Variants in TMEM259 observed in about 807,000 individuals in gnomAD.
TMEM259 encodes transmembrane protein 259.
In TMEM259, 26 loss-of-function variants were observed where a neutral mutation model predicts 46.7. The observed-to-expected ratio is 0.56, with a 90% CI of 0.41 to 0.77. The LOEUF is 0.77. TMEM259 is among the 30% of genes least tolerant of loss of function. TMEM259 has a pLI of 0.00. For synonymous variants in TMEM259, 494 were observed against 395.1 expected (o/e 1.25, Z -2.97); for missense variants, 930 against 900.5 (o/e 1.03, Z -0.42).
chr19:1,010,797 G>T lies in TMEM259; in HGVS notation c.1416C>A (p.Pro472=). The part of the protein sequence containing the change: ...EMLLQAPPLG[P]GTPTALPDDM... ...CATCGGGCAGCGCCGTGGGGGTCCCGGGGCCCAGTGGCGGCGCCTGAAGCA... is the reference window on the plus strand; with the variant it reads ...CATCGGGCAGCGCCGTGGGGGTCCCTGGGCCCAGTGGCGGCGCCTGAAGCA... The change falls in exon 11 of 11, where the codon CCC becomes CCA. Residue 472 remains proline (P), a synonymous_variant. Coordinates refer to ENST00000356663, the MANE Select transcript of TMEM259 (RefSeq NM_001033026.2). 1 of 1,573,238 alleles carries T rather than the reference G, an allele frequency of 6.4e-7. No individual in the cohort carries two copies. The highest frequency in any genetic ancestry group is 1.1e-5 in the South Asian group (1 of 87,620).
chr19:1,010,895 G>A lies in TMEM259; in HGVS notation c.1318C>T (p.His440Tyr), dbSNP rs760299079. 1.9e-6 allele frequency: 3 copies of A among 1,591,850 alleles called. No individual in the cohort carries two copies. Among genetic ancestry groups the A allele is most frequent in the Non-Finnish European group, 2.5e-6 (3 of 1,176,920 alleles). The change falls in exon 11 of 11, where the codon CAT (histidine) becomes TAT (tyrosine). Residue 440 changes from histidine to tyrosine, a missense_variant and splice_region_variant. By Grantham distance (83) the His-to-Tyr change is moderately conservative. Coordinates refer to ENST00000356663, the MANE Select transcript of TMEM259 (RefSeq NM_001033026.2). The part of the protein sequence containing the change: ...ALVTSWLFIQ[H>Y]SMIYFFHHYE... The stretch of plus-strand genomic sequence containing the variant: ...TGGTGGAAGAAGTAGATCATGGAAT[G>A]CTGCGGGAGGGAGAGTGGGAGTCAG...
chr19:1,010,367 A>T lies in TMEM259; in HGVS notation c.1846T>A (p.Ser616Thr). 6.7e-7 allele frequency: 1 copy of T among 1,494,852 alleles called. No individual in the cohort carries two copies. Among genetic ancestry groups the T allele is most frequent in the Non-Finnish European group, 8.8e-7 (1 of 1,130,024 alleles). 92.6% of individuals were successfully genotyped at this position (1,494,852 alleles called of 1,614,324 possible). A position where few individuals can be genotyped will look rare whatever the true frequency, so the allele number is the denominator to read the frequency against. Reference protein sequence around the residue: ...PASMAPTEAPSEVGS With the variant: ...PASMAPTEAPTEVGS The stretch of plus-strand genomic sequence containing the variant: ...TGTGCGGCTCAGGACCCCACCTCCG[A>T]GGGCGCCTCCGTTGGGGCCATGGAG... Residue 616 changes from serine to threonine, a missense_variant, in exon 11 of 11, where the codon TCG becomes ACG. Transcript: ENST00000356663.
At chr19:1,013,959 C>T (rs2039022688) in intron 2 of TMEM259, among the ~76,000 whole-genome samples, 1 of 152,222 alleles carries the variant, frequency 6.6e-6, no homozygotes, top group South Asian at 2.1e-4. Context: ...CCAAGTCCTC[C>T]CCGAGATCCC....
chr19:1,018,161 C>T (rs1010832010), intron 1 of TMEM259, among the ~76,000 whole-genome samples: 3 of 152,190 alleles, frequency 2.0e-5, no homozygotes, highest in African/African-American at 7.2e-5. Flanking sequence ...CACCCAGTGC[C>T]CCAAGATGGA....
Position 1,010,810 on chromosome 19 carries a change from G to A in TMEM259, c.1403C>T (p.Pro468Leu), listed in dbSNP as rs201119201. 9.5e-6 allele frequency: 15 copies of A among 1,581,352 alleles called. No individual in the cohort carries two copies. Among genetic ancestry groups the A allele is most frequent in the East Asian group, 9.1e-5 (4 of 43,766 alleles). Residue 468 changes from proline to leucine, a missense_variant, in exon 11 of 11, where the codon CCG (proline) becomes CTG (leucine). Coordinates refer to ENST00000356663, the MANE Select transcript of TMEM259 (RefSeq NM_001033026.2). ...VRIQEMLLQA[P>L]PLGPGTPTAL... ...CGTGGGGGTCCCGGGGCCCAGTGGC[G>A]GCGCCTGAAGCAGCATCTCCTGGAT...
intron 9 of TMEM259, 56 bp from the exon 10 acceptor site, chr19:1,011,251 C>T: frequency 3.9e-6 from 6 of 1,546,032 alleles, no homozygotes; most frequent in Non-Finnish European, 5.2e-6. Context: ...CAGGCCCAGC[C>T]CCTGGGGTTC....
chr19:1,018,863 C>T lies in TMEM259; in HGVS notation c.225+1909G>A, dbSNP rs535217108. On this transcript the variant is annotated intron_variant, in intron 1 of 10. Coordinates refer to ENST00000356663, the MANE Select transcript of TMEM259 (RefSeq NM_001033026.2). ...ATTAGCCGGTTGTGATGGTGGGCAC[C>T]GGTAATCCTAGCTACTCCGCAGGCT... Among the ~76,000 whole-genome samples the T allele has an allele frequency of 3.4e-4, 52 of 152,110 alleles. No homozygotes were observed. In the South Asian group the frequency reaches 4.4e-3, roughly 13 times the overall value.
chr19:1,011,823 T>C lies in TMEM259; in HGVS notation c.943-25A>G, dbSNP rs765714375. On this transcript the variant is annotated intron_variant, in intron 6 of 10. Coordinates refer to ENST00000356663, the MANE Select transcript of TMEM259 (RefSeq NM_001033026.2). ...TCTGCAAGGGGCGCGCAGGAAGCGC[T>C]ATGAGGGGCTGCGAGGGCCTGCTTG... The C allele has an allele frequency of 4.6e-5, 73 of 1,589,484 alleles. No homozygotes were observed. The South Asian group carries it at 5.2e-4, about 11-fold the overall frequency.
rs553445332 is a variant in TMEM259, at chr19:1,010,776, G to A, written c.1437C>T (p.Pro479=). 3 of 1,555,314 alleles carry A rather than the reference G, an allele frequency of 1.9e-6. No homozygotes were observed. Among genetic ancestry groups the A allele is most frequent in the Non-Finnish European group, 1.7e-6 (2 of 1,159,168 alleles). ...PLGPGTPTAL[P]DDMNNNSGAP... is the part of the protein sequence containing the mutation. ...CGCCCGAGTTGTTGTTCATGTCATC[G>A]GGCAGCGCCGTGGGGGTCCCGGGGC... The change falls in exon 11 of 11, where the codon CCC becomes CCT. Residue 479 remains proline, a synonymous_variant. Transcript: ENST00000356663.
At chr19:1,011,826 G>C in intron 6 of TMEM259, 28 bp from the exon 7 acceptor site, 1 of 1,586,484 alleles carries the variant, frequency 6.3e-7, no homozygotes, top group Non-Finnish European at 8.6e-7. Flanking sequence ...GAAGCGCTAT[G>C]AGGGGCTGCG....
At position 1,012,008 on chromosome 19, in the gene TMEM259, C is replaced by G; in HGVS notation, c.842-16G>C. 9 of 1,611,514 alleles carry G rather than the reference C, an allele frequency of 5.6e-6. No homozygotes were observed. The highest frequency in any genetic ancestry group is 7.6e-6 in the Non-Finnish European group (9 of 1,179,274). ...CGCAGGAAGCCTGCAGCAGAAGGAG[C>G]CGTGAGCGCCCGCCCCCACCCGCGC... On this transcript the variant is annotated splice_polypyrimidine_tract_variant and intron_variant, in intron 5 of 10. Coordinates refer to ENST00000356663, the MANE Select transcript of TMEM259 (RefSeq NM_001033026.2).
intron 1 of TMEM259, 61 bp from the exon 2 acceptor site, chr19:1,014,534 G>A (rs2039044921): frequency 2.0e-6 from 3 of 1,538,054 alleles, no homozygotes; most frequent in Non-Finnish European, 1.8e-6. Context: ...ACACCCAAGG[G>A]CCTACGTGAT....
At chr19:1,017,520 A>G in intron 1 of TMEM259, 1 of 398,056 alleles carries the variant, frequency 2.5e-6, no homozygotes. Flanking sequence ...CCAGCACAGG[A>G]GTCACCCCAC....
chr19:1,010,115 AC>A lies in TMEM259; in HGVS notation c.*234del, dbSNP rs2038850151. 2.0e-6 allele frequency: 1 copy of A among 500,578 alleles called. No homozygotes were observed. Among genetic ancestry groups the A allele is most frequent in the East Asian group, 3.4e-5 (1 of 29,170 alleles). 31.0% of individuals were successfully genotyped at this position (500,578 alleles called of 1,614,324 possible). ...CCTCCAGAACCTTCCGCGGAACCCC[AC>A]CCCCTCTCCTTGCTGACCAGCTCAA... On this transcript the variant is annotated 3_prime_UTR_variant, in exon 11 of 11. Transcript: ENST00000356663.
intron 1 of TMEM259, among the ~76,000 whole-genome samples, chr19:1,018,197 G>A (rs1167372805): frequency 6.6e-6 from 1 of 152,168 alleles, no homozygotes; most frequent in Non-Finnish European, 1.5e-5. Context: ...TGGGCTCAGG[G>A]CCATGAAGGC....
rs769836141 is a variant in TMEM259 at position 1,010,846 on chromosome 19, T to C, written c.1367A>G (p.Gln456Arg). 5.7e-6 allele frequency: 9 copies of C among 1,587,210 alleles called. 1 individual carries two copies. The South Asian group carries it at 1.0e-4, about 18-fold the overall frequency. The change falls in exon 11 of 11, where the codon CAG becomes CGG. Residue 456 changes from glutamine to arginine, a missense_variant. Gln to Arg is a conservative substitution (Grantham distance 43). Coordinates refer to ENST00000356663, the MANE Select transcript of TMEM259 (RefSeq NM_001033026.2). ...CAGCATCTCCTGGATGCGGACCTGC[T>C]GCAGGATGGCAGGCAGCTCGTAGTG... is the stretch of plus-strand genomic sequence containing the variant. ...FHHYELPAIL[Q>R]QVRIQEMLLQ...
chr19:1,013,444 C>T, intron 2 of TMEM259, 104 bp from the exon 3 acceptor site: 1 of 1,196,102 alleles, frequency 8.4e-7, no homozygotes, highest in East Asian at 2.5e-5. Flanking sequence ...GAAGCCTCAG[C>T]CTCTGCCCCA....
chr19:1,019,883 G>A (rs1342121336), intron 1 of TMEM259, among the ~76,000 whole-genome samples: 1 of 152,208 alleles, frequency 6.6e-6, no homozygotes, highest in Non-Finnish European at 1.5e-5. Context: ...TTTCTGAGGG[G>A]CTGCAGCTGC....
At chr19:1,018,831 C>T (rs2240169) in intron 1 of TMEM259, among the ~76,000 whole-genome samples, 44,971 of 151,846 alleles carry the variant, frequency 0.3, 7,066 homozygotes, top group Middle Eastern at 0.39. Flanking sequence ...ACTAAAAAGA[C>T]AAAAAAATTA....
Sources: allele counts gnomAD v4.1 joint callset (sites outside exome capture counted in the v4.1 genomes callset), GRCh38; gene constraint gnomAD v4.1.1; transcripts MANE v1.5; gene names NCBI Gene and HGNC (gene_info 2026-07-23, HGNC 2026-07-21).